The following CFAP20DC variants were observed in gnomAD, a reference collection of about 807,000 sequenced individuals.
CFAP20DC encodes the protein CFAP20 domain containing.
In CFAP20DC, 84 loss-of-function variants were observed where a neutral mutation model predicts 101.7. The observed-to-expected ratio is 0.83, with a 90% CI of 0.69 to 0.99. CFAP20DC has a LOEUF of 0.99. Ranked by LOEUF, CFAP20DC falls within the 50% of genes least tolerant of loss-of-function variation. The pLI is 0.00. For synonymous variants in CFAP20DC, 359 were observed against 351.2 expected (o/e 1.02, Z -0.25); for missense variants, 1,007 against 970.3 (o/e 1.04, Z -0.50).
intron 12 of CFAP20DC, chr3:58,862,959 C>T (rs1051242370): frequency 7.0e-5 from 68 of 973,594 alleles, no homozygotes; most frequent in Non-Finnish European, 8.2e-5. Flanking sequence ...AAACTTTTTA[C>T]GAATTTGCTA....
Position 58,914,806 on chromosome 3 carries a change from A to G in CFAP20DC, c.394-942T>C, listed in dbSNP as rs780783219. On this transcript the variant is annotated intron_variant, in intron 5 of 16. Transcript: ENST00000482387. The surrounding 1 kb of genome is among the most constrained non-coding windows in gnomAD (Gnocchi z 4.9). ...GAAAAAGTAAAAGAGACCGAAATAC[A>G]TTATTTATTAAATACATGAAGAGTA... 6.6e-6 allele frequency: 1 copy of G among 152,104 alleles called. No homozygotes were observed. The highest frequency in any genetic ancestry group is 1.5e-5 in the Non-Finnish European group (1 of 68,008). The allele number at this position is 152,104 out of a possible 1,614,324, so 9.4% of individuals were successfully genotyped here.
At chr3:59,022,626 C>T (rs1434611466) in intron 4 of CFAP20DC, among the ~76,000 whole-genome samples, 3 of 151,978 alleles carry the variant, frequency 2.0e-5, no homozygotes, top group African/African-American at 7.2e-5. Flanking sequence ...AAGGTTGTTC[C>T]TACTTACTGC....
intron 13 of CFAP20DC, among the ~76,000 whole-genome samples, chr3:58,845,372 A>G (rs955674576): frequency 8.5e-5 from 13 of 152,162 alleles, no homozygotes; most frequent in Non-Finnish European, 1.5e-4. Flanking sequence ...CCATCAGGGA[A>G]TACTACAAAC....
At chr3:58,905,923 T>C (rs2083542813) in intron 6 of CFAP20DC, among the ~76,000 whole-genome samples, 1 of 152,172 alleles carries the variant, frequency 6.6e-6, no homozygotes, top group South Asian at 2.1e-4. Flanking sequence ...TTTAAATCTG[T>C]CTCTCTTCTA....
intron 5 of CFAP20DC, among the ~76,000 whole-genome samples, chr3:58,930,800 C>T (rs915662084): frequency 1.3e-5 from 2 of 151,920 alleles, no homozygotes; most frequent in East Asian, 1.9e-4. Flanking sequence ...CCAAGATGGC[C>T]GAATAGGAAC....
At position 58,799,447 on chromosome 3, in the gene CFAP20DC, A is replaced by C. The variant is rs1236892750; in HGVS notation, c.2237+6948T>G. Among the ~76,000 whole-genome samples the C allele has an allele frequency of 6.6e-6, 1 of 152,214 alleles. No homozygotes were observed. Among genetic ancestry groups the C allele is most frequent in the Non-Finnish European group, 1.5e-5 (1 of 68,036 alleles). On this transcript the variant is annotated intron_variant, in intron 15 of 16. Coordinates refer to ENST00000482387, the MANE Select transcript of CFAP20DC (RefSeq NM_001394063.1). The surrounding 1 kb of genome is among the most constrained non-coding windows in gnomAD (Gnocchi z 4.9). Reference sequence around the variant, plus strand: ...CAGGTACTAGAGACTCTTAAGGTAGAGAAGTATACAGGTGCTCATGGGCTC... The same window carrying C: ...CAGGTACTAGAGACTCTTAAGGTAGCGAAGTATACAGGTGCTCATGGGCTC...
At chr3:58,769,176 G>A (rs2070604474) in intron 15 of CFAP20DC, among the ~76,000 whole-genome samples, 1 of 152,176 alleles carries the variant, frequency 6.6e-6, no homozygotes, top group South Asian at 2.1e-4. Flanking sequence ...CCTACAGGGA[G>A]GGAGATGGGG....
At chr3:59,032,919 A>G (rs1217141192) in intron 4 of CFAP20DC, among the ~76,000 whole-genome samples, 1 of 152,138 alleles carries the variant, frequency 6.6e-6, no homozygotes, top group Non-Finnish European at 1.5e-5. Context: ...ACCTCCCAGC[A>G]GTGGTCAACA....
intron 15 of CFAP20DC, among the ~76,000 whole-genome samples, chr3:58,782,484 G>A (rs1404422668): frequency 6.6e-6 from 1 of 151,984 alleles, no homozygotes; most frequent in African/African-American, 2.4e-5. Context: ...AAAAGTATAA[G>A]TCAAATTGTT....
At chr3:58,827,802 G>C (rs2076143549) in intron 14 of CFAP20DC, among the ~76,000 whole-genome samples, 1 of 152,156 alleles carries the variant, frequency 6.6e-6, no homozygotes, top group Admixed American at 6.5e-5. Flanking sequence ...CTTGGATAAG[G>C]CTTTATCTGT....
chr3:58,850,544 T>C (rs983854241), intron 12 of CFAP20DC, among the ~76,000 whole-genome samples: 16 of 146,308 alleles, frequency 1.1e-4, no homozygotes, highest in African/African-American at 3.8e-4. Context: ...GGCAAGATCA[T>C]GCCATTGCAC....
At chr3:58,833,067 T>C (rs528022432) in intron 13 of CFAP20DC, among the ~76,000 whole-genome samples, 151 of 152,302 alleles carry the variant, frequency 9.9e-4, no homozygotes, top group African/African-American at 3.2e-3. Context: ...TTCTGCCTCA[T>C]AGGAGTGTAA....
chr3:58,840,117 G>T (rs1339492951), intron 13 of CFAP20DC, among the ~76,000 whole-genome samples: 1 of 152,146 alleles, frequency 6.6e-6, no homozygotes, highest in Non-Finnish European at 1.5e-5. Context: ...ACTTTTACTG[G>T]CAGTGGAAAT....
At chr3:58,752,833 C>T (rs974101139) in intron 16 of CFAP20DC, among the ~76,000 whole-genome samples, 1 of 151,782 alleles carries the variant, frequency 6.6e-6, no homozygotes, top group African/African-American at 2.4e-5. Flanking sequence ...TTCCCTGGGG[C>T]AGTTAGGAAA....
chr3:58,815,658 A>G (rs2075060991), intron 14 of CFAP20DC, among the ~76,000 whole-genome samples: 1 of 151,626 alleles, frequency 6.6e-6, no homozygotes, highest in South Asian at 2.1e-4. Flanking sequence ...AAACAAATTT[A>G]CAAGAAAAAA....
rs964086215 is a variant in CFAP20DC at position 58,892,088 on chromosome 3, G to A, written c.551-7379C>T. 3.3e-5 allele frequency among the ~76,000 whole-genome samples: 5 copies of A among 152,196 alleles called. No individual in the cohort carries two copies. The highest frequency in any genetic ancestry group is 7.3e-5 in the Non-Finnish European group (5 of 68,032). Reference sequence around the variant, plus strand: ...ATCCCAGCATCATTTATTGAACAGGGAGTATTTTCCCCATTCATTGATTTT... The same window carrying A: ...ATCCCAGCATCATTTATTGAACAGGAAGTATTTTCCCCATTCATTGATTTT... On this transcript the variant is annotated intron_variant, in intron 6 of 16. Coordinates refer to ENST00000482387, the MANE Select transcript of CFAP20DC (RefSeq NM_001394063.1). The surrounding 1 kb of genome is among the most constrained non-coding windows in gnomAD (Gnocchi z 4.0).
intron 5 of CFAP20DC, among the ~76,000 whole-genome samples, chr3:58,917,275 C>T (rs548112628): frequency 8.7e-4 from 132 of 152,096 alleles, no homozygotes; most frequent in African/African-American, 3.1e-3. Flanking sequence ...GAAAGGAATG[C>T]AAATTCTGTG....
At chr3:58,851,475 A>G (rs982794175) in intron 12 of CFAP20DC, among the ~76,000 whole-genome samples, 4 of 152,194 alleles carry the variant, frequency 2.6e-5, no homozygotes, top group African/African-American at 9.7e-5. Flanking sequence ...TCCTTAACCC[A>G]TGCCCTGTTA....
At chr3:58,823,539 T>C (rs2075834398) in intron 14 of CFAP20DC, among the ~76,000 whole-genome samples, 1 of 152,082 alleles carries the variant, frequency 6.6e-6, no homozygotes, top group African/African-American at 2.4e-5. Flanking sequence ...ATGAAATAAA[T>C]AGGATGAACA....
Sources: gnomAD v4.1 joint callset for allele counts (sites outside exome capture counted in the v4.1 genomes callset) on GRCh38, gnomAD v4.1.1 for gene constraint, Gnocchi (gnomAD v3.1) non-coding constraint, MANE v1.5 for transcripts, NCBI Gene and HGNC (gene_info 2026-07-23, HGNC 2026-07-21) for gene names.